The following GRIN2A variants were observed in gnomAD, a reference collection of about 807,000 sequenced individuals.
GRIN2A encodes glutamate receptor ionotropic, NMDA 2A.
In GRIN2A, 22 loss-of-function variants were observed where a neutral mutation model predicts 113.4. The observed-to-expected ratio is 0.19, with a 90% CI of 0.14 to 0.28. GRIN2A has a LOEUF of 0.28. Ranked by LOEUF, GRIN2A falls within the 10% of genes least tolerant of loss-of-function variation. GRIN2A has a pLI of 1.00. For missense variants in GRIN2A, 1,502 were observed against 1,887.0 expected (o/e 0.80, Z 3.78); for synonymous variants, 827 against 738.4 (o/e 1.12, Z -1.94).
intron 3 of GRIN2A, among the ~76,000 whole-genome samples, chr16:9,900,550 T>C (rs2043901827): frequency 6.6e-6 from 1 of 152,216 alleles, no homozygotes; most frequent in Non-Finnish European, 1.5e-5. Context: ...AGAGCATACC[T>C]GAAACTTTGA....
At chr16:10,133,477 T>C (rs1458769847) in intron 2 of GRIN2A, among the ~76,000 whole-genome samples, 1 of 152,134 alleles carries the variant, frequency 6.6e-6, no homozygotes, top group Non-Finnish European at 1.5e-5. Flanking sequence ...CACGGTGCTG[T>C]GCACCCATAA....
At chr16:9,980,779 A>G (rs1477715741) in intron 2 of GRIN2A, among the ~76,000 whole-genome samples, 1 of 143,610 alleles carries the variant, frequency 7.0e-6, no homozygotes, top group East Asian at 2.2e-4. Context: ...ATAGGTGGGA[A>G]CTGAACAATG....
chr16:10,179,174 A>G (rs2050209704), intron 2 of GRIN2A, among the ~76,000 whole-genome samples: 1 of 152,132 alleles, frequency 6.6e-6, no homozygotes, highest in Non-Finnish European at 1.5e-5. Context: ...CCTCTCATTC[A>G]GAGCCAACTG....
intron 2 of GRIN2A, among the ~76,000 whole-genome samples, chr16:10,159,640 T>C (rs1230356282): frequency 2.0e-5 from 3 of 151,766 alleles, no homozygotes; most frequent in African/African-American, 7.3e-5. Context: ...ATTTTACAGA[T>C]GAGGAAAGGT....
At chr16:10,102,808 G>C (rs2048425797) in intron 2 of GRIN2A, among the ~76,000 whole-genome samples, 1 of 152,184 alleles carries the variant, frequency 6.6e-6, no homozygotes, top group Non-Finnish European at 1.5e-5. Context: ...GCAAGAGGTA[G>C]AGCTAGGATT....
chr16:9,999,666 C>G (rs2046288018), intron 2 of GRIN2A, among the ~76,000 whole-genome samples: 1 of 152,046 alleles, frequency 6.6e-6, no homozygotes, highest in Admixed American at 6.6e-5. Flanking sequence ...GCGCAGCAGA[C>G]CACCATCACA....
intron 2 of GRIN2A, among the ~76,000 whole-genome samples, chr16:9,968,155 T>C (rs1353614734): frequency 6.6e-6 from 1 of 152,028 alleles, no homozygotes; most frequent in Non-Finnish European, 1.5e-5. Context: ...TACAAGTTAA[T>C]CTCCCCGACA....
At chr16:9,975,436 T>C (rs1042967766) in intron 2 of GRIN2A, among the ~76,000 whole-genome samples, 11 of 152,166 alleles carry the variant, frequency 7.2e-5, no homozygotes, top group African/African-American at 2.4e-4. Context: ...TGTCAGAAGA[T>C]CTTCATTCAC....
intron 10 of GRIN2A, among the ~76,000 whole-genome samples, chr16:9,810,753 T>C (rs1185144635): frequency 6.6e-6 from 1 of 152,190 alleles, no homozygotes; most frequent in Non-Finnish European, 1.5e-5. Context: ...TAAAATTCTG[T>C]TGTTGCAACC....
intron 10 of GRIN2A, among the ~76,000 whole-genome samples, chr16:9,819,279 A>T (rs1272752064): frequency 6.6e-6 from 1 of 151,768 alleles, no homozygotes; most frequent in African/African-American, 2.4e-5. Flanking sequence ...CAGCACTTTG[A>T]GAGGCTGAGG....
chr16:10,039,088 G>C (rs1368749274), intron 2 of GRIN2A, among the ~76,000 whole-genome samples: 1 of 152,012 alleles, frequency 6.6e-6, no homozygotes, highest in East Asian at 1.9e-4. Context: ...TGCCCCTGAC[G>C]CTAGCACAGT....
chr16:9,879,870 T>G (rs1036961307), intron 4 of GRIN2A, among the ~76,000 whole-genome samples: 3 of 152,230 alleles, frequency 2.0e-5, no homozygotes, highest in African/African-American at 7.2e-5. Flanking sequence ...TGTTCTCTCA[T>G]CTCAAGCTCT....
At chr16:9,791,579 C>T (rs745780273) in intron 11 of GRIN2A, among the ~76,000 whole-genome samples, 1 of 152,122 alleles carries the variant, frequency 6.6e-6, no homozygotes, top group Non-Finnish European at 1.5e-5. Context: ...CAGCTCTACC[C>T]CAGACTCGGA....
At chr16:9,974,804 T>C (rs945684122) in intron 2 of GRIN2A, among the ~76,000 whole-genome samples, 6 of 152,202 alleles carry the variant, frequency 3.9e-5, no homozygotes, top group African/African-American at 1.4e-4. Flanking sequence ...ATTTCACTTC[T>C]TCCTTTCCAA....
chr16:9,838,860 G>A (rs757138361), intron 7 of GRIN2A, among the ~76,000 whole-genome samples: 18 of 151,954 alleles, frequency 1.2e-4, no homozygotes, highest in Non-Finnish European at 2.2e-4. Context: ...CTAACCTATG[G>A]GTATGAAAAA....
intron 3 of GRIN2A, among the ~76,000 whole-genome samples, chr16:9,896,444 A>T (rs963801438): frequency 5.3e-5 from 8 of 152,128 alleles, no homozygotes; most frequent in Admixed American, 1.3e-4. Context: ...TCCCATCTCC[A>T]TGTTCTCCAC....
At chr16:9,789,140 C>T (rs1055024572) in intron 11 of GRIN2A, among the ~76,000 whole-genome samples, 1 of 152,214 alleles carries the variant, frequency 6.6e-6, no homozygotes, top group African/African-American at 2.4e-5. Flanking sequence ...CCTTTGCAGG[C>T]CTTATGGTTT....
At chr16:10,024,731 G>A (rs532486879) in intron 2 of GRIN2A, among the ~76,000 whole-genome samples, 1 of 152,086 alleles carries the variant, frequency 6.6e-6, no homozygotes, top group Non-Finnish European at 1.5e-5. Context: ...GAAAGCCCAC[G>A]TTCAGCCATA....
intron 2 of GRIN2A, among the ~76,000 whole-genome samples, chr16:10,147,652 AG>A (rs1488239029): frequency 0.013 from 1,829 of 139,514 alleles, 36 homozygotes; most frequent in African/African-American, 0.05. Context: ...AAAAAAAAAA[AG>A]AAGAAGAAGA....
Sources: allele counts gnomAD v4.1 joint callset (sites outside exome capture counted in the v4.1 genomes callset), GRCh38; gene constraint gnomAD v4.1.1; transcripts MANE v1.5; gene names NCBI Gene and HGNC (gene_info 2026-07-23, HGNC 2026-07-21).